Variants in ISCU observed in about 807,000 individuals in gnomAD.
ISCU encodes the protein iron-sulfur cluster assembly enzyme ISCU.
ISCU carries 13 observed loss-of-function variants against 18.4 expected under a neutral mutation model. The observed-to-expected ratio is 0.71, with a 90% CI of 0.46 to 1.12. The LOEUF (loss-of-function observed/expected upper bound fraction) is 1.12. Among genes scored for constraint, ISCU ranks in the 50% most tolerant of loss-of-function variants. ISCU has a pLI of 0.00. For synonymous variants in ISCU, 104 were observed against 87.5 expected (o/e 1.19, Z -1.06); for missense variants, 229 against 208.7 (o/e 1.10, Z -0.60).
upstream of ISCU, among the ~76,000 whole-genome samples, chr12:108,561,688 C>T (rs140387738): frequency 3.9e-3 from 598 of 152,276 alleles, 15 homozygotes; most frequent in Admixed American, 0.035. Context: ...ACCTAGTAGA[C>T]GTTAAATACA....
intron 4 of ISCU, chr12:108,568,504 ATCT>A (rs2031004498): frequency 1.5e-5 from 18 of 1,221,820 alleles, no homozygotes; most frequent in East Asian, 4.6e-5. Flanking sequence ...TGTGTCAGAC[ATCT>A]TCTGTAAGTC....
Position 108,568,827 on chromosome 12 carries a change from C to A in ISCU, c.419-4C>A. The stretch of plus-strand genomic sequence containing the variant: ...TTAGGCTTCTTTCCTTCCGTTACTT[C>A]CAGTGCTGGCTGAAGATGCAATCAA... On this transcript the variant is annotated splice_polypyrimidine_tract_variant and splice_region_variant and intron_variant, in intron 4 of 4. Coordinates refer to ENST00000311893, the MANE Select transcript of ISCU (RefSeq NM_213595.4). 1.2e-6 allele frequency: 2 copies of A among 1,612,242 alleles called. No individual in the cohort carries two copies. The highest frequency in any genetic ancestry group is 1.1e-5 in the South Asian group (1 of 90,440).
At chr12:108,562,486 C>G (rs555687854), upstream of ISCU, 66 of 487,708 alleles carry the variant, frequency 1.4e-4, no homozygotes, top group African/African-American at 1.3e-3. Flanking sequence ...AGAAGGCGGA[C>G]GCGTGCACGG....
chr12:108,569,081 T>C lies in ISCU; in HGVS notation c.*165T>C. ...CTCTCATGCAAGCAAAATACACAGT[T>C]TCATTGTTCTGAATCCTGTGGTTTC... is the stretch of plus-strand genomic sequence containing the variant. On this transcript the variant is annotated 3_prime_UTR_variant, in exon 5 of 5. Coordinates refer to ENST00000311893, the MANE Select transcript of ISCU (RefSeq NM_213595.4). 3.0e-6 allele frequency: 2 copies of C among 661,900 alleles called. No individual in the cohort carries two copies. The highest frequency in any genetic ancestry group is 5.4e-6 in the Non-Finnish European group (2 of 371,600). 41.0% of individuals were successfully genotyped at this position (661,900 alleles called of 1,614,324 possible). A position where few individuals can be genotyped will look rare whatever the true frequency, so the allele number is the denominator to read the frequency against.
chr12:108,568,214 C>T, intron 4 of ISCU: 2 of 1,251,452 alleles, frequency 1.6e-6, no homozygotes, highest in Non-Finnish European at 2.0e-6. Context: ...GGTACTGAAA[C>T]CTTTAGCTGA....
At chr12:108,567,589 T>G in intron 4 of ISCU, 1 of 1,301,228 alleles carries the variant, frequency 7.7e-7, no homozygotes, top group East Asian at 2.5e-5. Flanking sequence ...AAGGCTTGGG[T>G]TGAGACGCCC....
In ISCU at chr12:108,564,266, C is replaced by G; in HGVS notation, c.115-13C>G. The G allele has an allele frequency of 6.3e-7, 1 of 1,594,906 alleles. No homozygotes were observed. Among genetic ancestry groups the G allele is most frequent in the South Asian group, 1.1e-5 (1 of 90,670 alleles). ...GAGAGTGAACATGATTTATCTTAAC[C>G]CTCTCATTTTAGGTTGTTGATCATT... On this transcript the variant is annotated splice_polypyrimidine_tract_variant and intron_variant, in intron 1 of 4. Transcript: ENST00000311893.
intron 4 of ISCU, chr12:108,568,261 C>T: frequency 1.7e-6 from 2 of 1,166,668 alleles, no homozygotes; most frequent in Non-Finnish European, 2.1e-6. Flanking sequence ...GCTGTCATTC[C>T]AGCTCTCTCA....
chr12:108,565,803 G>A (rs2030870613), intron 3 of ISCU, among the ~76,000 whole-genome samples: 1 of 152,130 alleles, frequency 6.6e-6, no homozygotes, highest in Non-Finnish European at 1.5e-5. Flanking sequence ...AAGGGTTCTA[G>A]GTGGCTTTCA....
intron 4 of ISCU, chr12:108,568,408 T>C: frequency 9.1e-7 from 1 of 1,095,256 alleles, no homozygotes; most frequent in South Asian, 2.9e-5. Context: ...AAAGGGCATG[T>C]CAACTTTTTT....
At position 108,569,008 on chromosome 12, in the gene ISCU, C is replaced by T; in HGVS notation, c.*92C>T. On this transcript the variant is annotated 3_prime_UTR_variant, in exon 5 of 5. Transcript: ENST00000311893. ...AGATGTTCAGAAGCCGCTTCCTCTC[C>T]ACTGAAGAGCTATGAGATACGCACA... The T allele has an allele frequency of 9.8e-7, 1 of 1,024,036 alleles. No individual in the cohort carries two copies. The highest frequency in any genetic ancestry group is 1.5e-6 in the Non-Finnish European group (1 of 668,034). The allele number at this position is 1,024,036 out of a possible 1,614,324, so 63.4% of individuals were successfully genotyped here. A position where few individuals can be genotyped will look rare whatever the true frequency, so the allele number is the denominator to read the frequency against.
chr12:108,568,463 G>A (rs768370644), intron 4 of ISCU: 2 of 1,158,828 alleles, frequency 1.7e-6, no homozygotes, highest in Non-Finnish European at 2.1e-6. Flanking sequence ...ATGGGAGCAG[G>A]CAAGAAGTAA....
rs1470808236 is a variant in ISCU at position 108,564,282 on chromosome 12, G to C, written c.118G>C (p.Val40Leu). 1 of 1,612,272 alleles carries C rather than the reference G, an allele frequency of 6.2e-7. No individual in the cohort carries two copies. Among genetic ancestry groups the C allele is most frequent in the Admixed American group, 1.7e-5 (1 of 60,022 alleles). Reference protein sequence around the residue: ...APARLYHKKVVDHYENPRNVG... With the variant: ...APARLYHKKVLDHYENPRNVG... ...TATCTTAACCCTCTCATTTTAGGTT[G>C]TTGATCATTATGAAAATCCTAGAAA... Residue 40 changes from valine (V) to leucine (L), a missense_variant, in exon 2 of 5, where the codon GTT (valine) becomes CTT (leucine). Coordinates refer to ENST00000311893, the MANE Select transcript of ISCU (RefSeq NM_213595.4).
intron 1 of ISCU, 33 bp from the exon 2 acceptor site, chr12:108,564,246 T>TG (rs899231790): frequency 3.8e-6 from 6 of 1,580,374 alleles, no homozygotes; most frequent in Non-Finnish European, 4.4e-6. Context: ...CAATAGAGAG[T>TG]GAACATGATT....
chr12:108,567,388 G>A, intron 4 of ISCU, 120 bp downstream of exon 4: 1 of 861,686 alleles, frequency 1.2e-6, no homozygotes. Context: ...TAGAGCTCAT[G>A]AGTCTGTCCT....
chr12:108,568,020 A>G, intron 4 of ISCU: 1 of 1,523,248 alleles, frequency 6.6e-7, no homozygotes, highest in Non-Finnish European at 8.8e-7. Flanking sequence ...TGCCAAGGTA[A>G]TACTCACAGC....
intron 1 of ISCU, chr12:108,563,518 A>G (rs1287415752): frequency 1.2e-5 from 2 of 166,946 alleles, no homozygotes; most frequent in African/African-American, 4.8e-5. Context: ...ATGGGGGGAA[A>G]AGGGGACTGG....
Position 108,565,331 on chromosome 12 carries a change from A to T in ISCU, c.239A>T (p.Asp80Val). 1 of 1,613,544 alleles carries T rather than the reference A, an allele frequency of 6.2e-7. No individual in the cohort carries two copies. Among genetic ancestry groups the T allele is most frequent in the Non-Finnish European group, 8.5e-7 (1 of 1,179,456 alleles). The change falls in exon 3 of 5, where the codon GAT becomes GTT. Residue 80 changes from aspartate (D) to valine (V), a missense_variant. Asp to Val is a radical substitution (Grantham distance 152). Coordinates refer to ENST00000311893, the MANE Select transcript of ISCU (RefSeq NM_213595.4). ...GDVMKLQIQV[D>V]EKGKIVDARF... ...TTGTCTCTTTTCTAGATTCAAGTGGATGAAAAGGGGAAGATTGTGGATGCT... is the reference window on the plus strand; with the variant it reads ...TTGTCTCTTTTCTAGATTCAAGTGGTTGAAAAGGGGAAGATTGTGGATGCT...
chr12:108,568,458 A>T, intron 4 of ISCU: 1 of 1,150,382 alleles, frequency 8.7e-7, no homozygotes, highest in Non-Finnish European at 1.1e-6. Context: ...CTTTGATGGG[A>T]GCAGGCAAGA....
Sources: gnomAD v4.1 joint callset for allele counts (sites outside exome capture counted in the v4.1 genomes callset) on GRCh38, gnomAD v4.1.1 for gene constraint, MANE v1.5 for transcripts, NCBI Gene and HGNC (gene_info 2026-07-23, HGNC 2026-07-21) for gene names.